The following CSRNP3 variants were observed in gnomAD, a reference collection of about 807,000 sequenced individuals.
CSRNP3 encodes the protein cysteine/serine-rich nuclear protein 3.
In CSRNP3, 12 loss-of-function variants were observed where a neutral mutation model predicts 48.0. The observed-to-expected ratio is 0.25, with a 90% confidence interval of 0.16 to 0.41. The LOEUF (loss-of-function observed/expected upper bound fraction) is 0.41, where lower values mean the gene tolerates loss of function less well. CSRNP3 is among the 10% of genes least tolerant of loss of function. CSRNP3 has a pLI of 1.00. For synonymous variants in CSRNP3, 263 were observed against 269.7 expected, an observed-to-expected ratio of 0.98 and a Z score of 0.24; for missense variants, 580 against 724.4, an observed-to-expected ratio of 0.80 and a Z score of 2.29.
chr2:165,644,595 A>T (rs1157915732), intron 4 of CSRNP3, among the ~76,000 whole-genome samples: 1 of 152,146 alleles, frequency 6.6e-6, no homozygotes, highest in Non-Finnish European at 1.5e-5. Flanking sequence ...GGAGAGAGAC[A>T]CACACACGCT....
chr2:165,573,554 G>C (rs1318229605), intron 3 of CSRNP3, among the ~76,000 whole-genome samples: 1 of 152,202 alleles, frequency 6.6e-6, no homozygotes, highest in African/African-American at 2.4e-5. Flanking sequence ...GCTGCTATAT[G>C]AATCTTTAGA....
intron 3 of CSRNP3, among the ~76,000 whole-genome samples, chr2:165,584,220 C>T (rs887002460): frequency 6.6e-6 from 1 of 152,166 alleles, no homozygotes; most frequent in East Asian, 1.9e-4. Flanking sequence ...TAAACATTAT[C>T]AATCTGTTCC....
chr2:165,645,162 C>G (rs571894438), intron 4 of CSRNP3, among the ~76,000 whole-genome samples: 1 of 151,926 alleles, frequency 6.6e-6, no homozygotes, highest in Non-Finnish European at 1.5e-5. Flanking sequence ...GGTGAAACCC[C>G]GTCAATACTA....
chr2:165,551,889 A>T (rs1420049679), intron 3 of CSRNP3, among the ~76,000 whole-genome samples: 1 of 152,258 alleles, frequency 6.6e-6, no homozygotes, highest in African/African-American at 2.4e-5. Context: ...AAGCATTTTT[A>T]GAGTTGCAAA....
At chr2:165,612,859 G>A (rs1686162549) in intron 4 of CSRNP3, among the ~76,000 whole-genome samples, 1 of 151,912 alleles carries the variant, frequency 6.6e-6, no homozygotes, top group African/African-American at 2.4e-5. Context: ...CTGTATACTG[G>A]CTATTGTGAA....
chr2:165,496,469 T>C (rs1198224846), intron 2 of CSRNP3, among the ~76,000 whole-genome samples: 1 of 152,064 alleles, frequency 6.6e-6, no homozygotes, highest in Non-Finnish European at 1.5e-5. Flanking sequence ...AGTTTTTTAT[T>C]GAGTGAATGA....
At position 165,674,553 on chromosome 2, in the gene CSRNP3, A is replaced by G. The variant is rs183088650; in HGVS notation, c.409-1759A>G. ...AATTTTAGATTATACCAAGAGACAA[A>G]ACCCAATAAAGAGGAATGTGTACCT... On this transcript the variant is annotated intron_variant, in intron 5 of 6. Coordinates refer to ENST00000651982, the MANE Select transcript of CSRNP3 (RefSeq NM_001172173.2). 5.5e-4 allele frequency among the ~76,000 whole-genome samples: 83 copies of G among 150,424 alleles called. No individual in the cohort carries two copies. In the East Asian group the frequency reaches 7.2e-3, roughly 13 times the overall value.
At chr2:165,578,650 C>T (rs902661870) in intron 3 of CSRNP3, among the ~76,000 whole-genome samples, 3 of 151,848 alleles carry the variant, frequency 2.0e-5, no homozygotes, top group Admixed American at 6.6e-5. Context: ...CTTTAACAAA[C>T]CTGGGTAACT....
At chr2:165,621,085 CATAA>C (rs1686331079) in intron 4 of CSRNP3, among the ~76,000 whole-genome samples, 1 of 152,008 alleles carries the variant, frequency 6.6e-6, no homozygotes, top group Non-Finnish European at 1.5e-5. Flanking sequence ...TATGAAAGAA[CATAA>C]ATATATGATC....
At chr2:165,475,686 C>G (rs1372190616) in intron 1 of CSRNP3, among the ~76,000 whole-genome samples, 3 of 152,186 alleles carry the variant, frequency 2.0e-5, no homozygotes, top group Admixed American at 6.5e-5. Flanking sequence ...CCTCCTCTTA[C>G]ATCCTCTCAA....
At chr2:165,481,330 C>G (rs949243244) in intron 1 of CSRNP3, among the ~76,000 whole-genome samples, 1 of 152,142 alleles carries the variant, frequency 6.6e-6, no homozygotes, top group Non-Finnish European at 1.5e-5. Flanking sequence ...GGAATATACC[C>G]TGACAAATCC....
At chr2:165,617,087 G>A (rs909603601) in intron 4 of CSRNP3, among the ~76,000 whole-genome samples, 6 of 151,610 alleles carry the variant, frequency 4.0e-5, no homozygotes, top group African/African-American at 7.3e-5. Flanking sequence ...TTGTCTATCC[G>A]TATTCTCTTG....
At chr2:165,474,368 TGGCTG>T (rs1683933786) in intron 1 of CSRNP3, among the ~76,000 whole-genome samples, 1 of 152,144 alleles carries the variant, frequency 6.6e-6, no homozygotes, top group Non-Finnish European at 1.5e-5. Context: ...GCCTCCCAAG[TGGCTG>T]GGGGATTGCA....
At chr2:165,619,550 A>G (rs1686306176) in intron 4 of CSRNP3, among the ~76,000 whole-genome samples, 3 of 152,040 alleles carry the variant, frequency 2.0e-5, no homozygotes, top group African/African-American at 7.2e-5. Flanking sequence ...TAGAGAGAAT[A>G]TGTCATTTAC....
In CSRNP3 at chr2:165,686,882, C is replaced by G. The variant is rs1465554220; in HGVS notation, c.*7129C>G. ...GGAAAGTTTGAGATTCTTCTATATTCTTCAAATTTATGGTCCTGAGACTAG... is the reference window on the plus strand; with the variant it reads ...GGAAAGTTTGAGATTCTTCTATATTGTTCAAATTTATGGTCCTGAGACTAG... On this transcript the variant is annotated 3_prime_UTR_variant, in exon 7 of 7. Transcript: ENST00000651982. 1 of 151,978 alleles carries G rather than the reference C, an allele frequency of 6.6e-6. No individual in the cohort carries two copies. The highest frequency in any genetic ancestry group is 1.9e-4 in the East Asian group (1 of 5,188). The allele number at this position is 151,978 out of a possible 1,614,324, so 9.4% of individuals were successfully genotyped here.
chr2:165,635,822 T>C (rs1415565094), intron 4 of CSRNP3, among the ~76,000 whole-genome samples: 2 of 152,152 alleles, frequency 1.3e-5, no homozygotes, highest in Non-Finnish European at 2.9e-5. Context: ...ATTTGAGAGT[T>C]GCAGGTAGTC....
chr2:165,528,206 A>G (rs892270340), intron 3 of CSRNP3, among the ~76,000 whole-genome samples: 4 of 152,126 alleles, frequency 2.6e-5, no homozygotes, highest in African/African-American at 7.2e-5. Flanking sequence ...AGTTCCTTAC[A>G]TATTTTGGAT....
rs1254604873 is a variant in CSRNP3, at chr2:165,683,094, C to T, written c.*3341C>T. 1 of 152,034 alleles carries T rather than the reference C, an allele frequency of 6.6e-6. No homozygotes were observed. The highest frequency in any genetic ancestry group is 1.9e-4 in the East Asian group (1 of 5,198). The allele number at this position is 152,034 out of a possible 1,614,324, so 9.4% of individuals were successfully genotyped here. On this transcript the variant is annotated 3_prime_UTR_variant, in exon 7 of 7. Coordinates refer to ENST00000651982, the MANE Select transcript of CSRNP3 (RefSeq NM_001172173.2). ...GCATCTCCTTTGTCATTCCCAATTT[C>T]CTTTGGGAGAAGTCAATGAAAGAGA...
At position 165,679,546 on chromosome 2, in the gene CSRNP3, T is replaced by G; in HGVS notation, c.1551T>G (p.Ser517Arg). 6.2e-7 allele frequency: 1 copy of G among 1,613,764 alleles called. No individual in the cohort carries two copies. The highest frequency in any genetic ancestry group is 8.5e-7 in the Non-Finnish European group (1 of 1,179,952). The change falls in exon 7 of 7, where the codon AGT becomes AGG. Residue 517 changes from serine (S) to arginine (R), a missense_variant. This residue lies in a region of CSRNP3 where 369 missense variants were observed against 380.8 expected (regional missense o/e 0.97). Coordinates refer to ENST00000651982, the MANE Select transcript of CSRNP3 (RefSeq NM_001172173.2). ...ATGATAGCGGTGTGCCCTGCAATAGTTTATATCCTGAACACAGGTCCAATC... is the reference window on the plus strand; with the variant it reads ...ATGATAGCGGTGTGCCCTGCAATAGGTTATATCCTGAACACAGGTCCAATC... The part of the protein sequence containing the change: ...SENDSGVPCN[S>R]LYPEHRSNHP...
Sources: gnomAD v4.1 joint callset for allele counts (sites outside exome capture counted in the v4.1 genomes callset) on GRCh38, gnomAD v4.1.1 for gene constraint, gnomAD v4.1.1 regional missense constraint, MANE v1.5 for transcripts, NCBI Gene and HGNC (gene_info 2026-07-23, HGNC 2026-07-21) for gene names.